Variants in MAGI2 observed in about 807,000 individuals in gnomAD.
The protein encoded by MAGI2 is membrane-associated guanylate kinase, WW and PDZ domain-containing protein 2.
MAGI2 carries 35 observed loss-of-function variants against 133.3 expected under a neutral mutation model. The ratio of observed to expected loss-of-function variants is 0.26; its 90% CI spans 0.20 to 0.35. The LOEUF (loss-of-function observed/expected upper bound fraction) is 0.35, where lower values mean the gene tolerates loss of function less well. MAGI2 is among the 10% of genes least tolerant of loss of function. MAGI2 has a pLI of 1.00. For missense variants in MAGI2, 1,636 were observed against 1,863.4 expected (o/e 0.88, Z 2.25); for synonymous variants, 729 against 710.6 (o/e 1.03, Z -0.41).
intron 10 of MAGI2, among the ~76,000 whole-genome samples, chr7:78,236,727 A>C (rs1193028895): frequency 2.0e-5 from 3 of 152,206 alleles, no homozygotes; most frequent in African/African-American, 7.2e-5. Context: ...TAACAGGTTA[A>C]TACAAAATTG....
chr7:78,447,803 CT>C (rs199662200), intron 6 of MAGI2, among the ~76,000 whole-genome samples: 3,420 of 152,182 alleles, frequency 0.022, 119 homozygotes, highest in African/African-American at 0.077. Flanking sequence ...AAAATCCTTT[CT>C]TTTTTGAAAT....
At chr7:78,912,091 A>C (rs1362218016) in intron 2 of MAGI2, among the ~76,000 whole-genome samples, 1 of 152,190 alleles carries the variant, frequency 6.6e-6, no homozygotes, top group Non-Finnish European at 1.5e-5. Context: ...TGTTTCTTAA[A>C]AACTTCCAAT....
At chr7:78,316,516 T>A (rs1004691517) in intron 9 of MAGI2, among the ~76,000 whole-genome samples, 3 of 152,248 alleles carry the variant, frequency 2.0e-5, no homozygotes, top group African/African-American at 7.2e-5. Context: ...TTTATTTGTA[T>A]GTGATAAAAC....
intron 6 of MAGI2, among the ~76,000 whole-genome samples, chr7:78,443,612 C>A (rs1050789118): frequency 6.6e-6 from 1 of 152,040 alleles, no homozygotes; most frequent in Non-Finnish European, 1.5e-5. Flanking sequence ...ATTATTAAAG[C>A]CATTTTTGTA....
intron 2 of MAGI2, among the ~76,000 whole-genome samples, chr7:78,722,087 T>C (rs552872262): frequency 7.9e-5 from 12 of 151,258 alleles, no homozygotes; most frequent in African/African-American, 2.9e-4. Context: ...TATGACTCTT[T>C]AATGTTGTCA....
chr7:78,991,982 G>C (rs754719574), intron 2 of MAGI2, among the ~76,000 whole-genome samples: 1 of 151,978 alleles, frequency 6.6e-6, no homozygotes, highest in Non-Finnish European at 1.5e-5. Flanking sequence ...GAATATACAA[G>C]AGCAGGGGTG....
chr7:79,148,032 CG>C (rs34798590), intron 1 of MAGI2, among the ~76,000 whole-genome samples: 7 of 152,136 alleles, frequency 4.6e-5, no homozygotes, highest in African/African-American at 1.7e-4. Context: ...CTGGAGCACA[CG>C]GAAGTGTTGG....
At position 78,655,439 on chromosome 7, in the gene MAGI2, A is replaced by G. The variant is rs181772303; in HGVS notation, c.419-28200T>C. Among the ~76,000 whole-genome samples, 911 of 135,752 alleles carry G rather than the reference A, an allele frequency of 6.7e-3. 8 individuals are homozygous for G. The highest frequency in any genetic ancestry group is 0.016 in the Admixed American group (197 of 12,364). The allele number at this position is 135,752 out of a possible 152,430, so 89.1% of individuals were successfully genotyped here. Reference sequence around the variant, plus strand: ...CAAAACAAAACAAAACAAAAAACAAACAAAAAAAAACAACCAAAAAAAAAA... The same window carrying G: ...CAAAACAAAACAAAACAAAAAACAAGCAAAAAAAAACAACCAAAAAAAAAA... On this transcript the variant is annotated intron_variant, in intron 2 of 21. Transcript: ENST00000354212.
chr7:78,856,489 C>A (rs1466529092), intron 2 of MAGI2, among the ~76,000 whole-genome samples: 2 of 152,194 alleles, frequency 1.3e-5, no homozygotes, highest in African/African-American at 4.8e-5. Context: ...GTTTCCCCAG[C>A]ACCATTTATT....
intron 2 of MAGI2, among the ~76,000 whole-genome samples, chr7:78,821,023 A>T (rs765006417): frequency 6.6e-6 from 1 of 152,056 alleles, no homozygotes; most frequent in Non-Finnish European, 1.5e-5. Context: ...TGTGAACATA[A>T]TACTAATCAG....
chr7:78,039,613 T>C (rs909794545), intron 21 of MAGI2: 5 of 152,262 alleles, frequency 3.3e-5, no homozygotes, highest in East Asian at 1.9e-4. Flanking sequence ...CCTGAGCAGG[T>C]TGTTTTTATT....
intron 1 of MAGI2, among the ~76,000 whole-genome samples, chr7:79,333,898 C>T (rs956995327): frequency 6.6e-6 from 1 of 152,118 alleles, no homozygotes; most frequent in Non-Finnish European, 1.5e-5. Context: ...AAGTAAACAA[C>T]TTTTAAAAAA....
chr7:78,461,921 A>G (rs111253676), intron 6 of MAGI2, among the ~76,000 whole-genome samples: 2,894 of 79,480 alleles, frequency 0.036, 70 homozygotes, highest in Middle Eastern at 0.086. Flanking sequence ...CGTCTCAAAA[A>G]AAAAAAAAAA....
intron 2 of MAGI2, among the ~76,000 whole-genome samples, chr7:78,687,995 A>G (rs12671212): frequency 0.25 from 32,971 of 131,074 alleles, 4,226 homozygotes; most frequent in Non-Finnish European, 0.27. Flanking sequence ...AAAAAAAAAA[A>G]AAAAAAGAAA....
At chr7:79,341,316 C>T (rs1840886365) in intron 1 of MAGI2, among the ~76,000 whole-genome samples, 1 of 152,054 alleles carries the variant, frequency 6.6e-6, no homozygotes, top group East Asian at 1.9e-4. Flanking sequence ...GGCAGCATAT[C>T]TGATTCATAA....
chr7:78,734,482 T>C (rs934812544), intron 2 of MAGI2, among the ~76,000 whole-genome samples: 1 of 152,160 alleles, frequency 6.6e-6, no homozygotes, highest in Non-Finnish European at 1.5e-5. Flanking sequence ...GGAATATTAA[T>C]TGCATTTATG....
chr7:78,875,023 A>G (rs568729503), intron 2 of MAGI2, among the ~76,000 whole-genome samples: 1 of 152,274 alleles, frequency 6.6e-6, no homozygotes, highest in Non-Finnish European at 1.5e-5. Flanking sequence ...TAGAGAGTCT[A>G]AGTATGACAG....
chr7:78,687,683 T>G, intron 2 of MAGI2, among the ~76,000 whole-genome samples: 1 of 151,980 alleles, frequency 6.6e-6, no homozygotes, highest in East Asian at 1.9e-4. Context: ...AAAATGAGCT[T>G]ATAGACTGGG....
At chr7:78,288,547 G>A (rs1202504357) in intron 9 of MAGI2, among the ~76,000 whole-genome samples, 8 of 152,152 alleles carry the variant, frequency 5.3e-5, no homozygotes, top group Non-Finnish European at 8.8e-5. Flanking sequence ...CCCAGCAGGC[G>A]CAATGCAGAA....
Sources: allele counts gnomAD v4.1 joint callset (sites outside exome capture counted in the v4.1 genomes callset), GRCh38; gene constraint gnomAD v4.1.1; transcripts MANE v1.5; gene names NCBI Gene and HGNC (gene_info 2026-07-23, HGNC 2026-07-21).